Variants in HSD17B12 observed in about 807,000 individuals in gnomAD.
HSD17B12 encodes hydroxysteroid 17-beta dehydrogenase 12.
In HSD17B12, 32 loss-of-function variants were observed where a neutral mutation model predicts 39.3. That is an observed-to-expected ratio of 0.81 (90% CI 0.61 to 1.09). The LOEUF (loss-of-function observed/expected upper bound fraction) is 1.09. HSD17B12 is among the 50% of genes least tolerant of loss of function. HSD17B12 has a pLI of 0.00. For missense variants in HSD17B12, 342 were observed against 382.9 expected, an observed-to-expected ratio of 0.89 and a Z score of 0.89; for synonymous variants, 150 against 146.7, an observed-to-expected ratio of 1.02 and a Z score of -0.16.
chr11:43,740,262 G>A (rs984633954), intron 1 of HSD17B12, among the ~76,000 whole-genome samples: 4 of 152,218 alleles, frequency 2.6e-5, no homozygotes, highest in Non-Finnish European at 5.9e-5. Context: ...TGTTTGGGAT[G>A]ATAGCGTAGA....
chr11:43,768,300 AT>A (rs1378240161), intron 3 of HSD17B12, among the ~76,000 whole-genome samples: 3 of 152,228 alleles, frequency 2.0e-5, no homozygotes, highest in Non-Finnish European at 4.4e-5. Flanking sequence ...TGGAGTTATT[AT>A]ATTATTTAAT....
the HSD17B12 span, among the ~76,000 whole-genome samples, chr11:43,615,641 C>T: frequency 6.6e-6 from 1 of 152,154 alleles, no homozygotes; most frequent in East Asian, 1.9e-4. Flanking sequence ...AATGCGTTTT[C>T]CTTTTCTCAG....
intron 1 of HSD17B12, among the ~76,000 whole-genome samples, chr11:43,736,342 A>G (rs1950316415): frequency 6.7e-6 from 1 of 150,298 alleles, no homozygotes; most frequent in African/African-American, 2.5e-5. Context: ...AATTTTTGTT[A>G]TTGTTGTTGT....
intron 4 of HSD17B12, among the ~76,000 whole-genome samples, chr11:43,812,989 G>A (rs1329352577): frequency 6.6e-6 from 1 of 151,996 alleles, no homozygotes; most frequent in East Asian, 1.9e-4. Flanking sequence ...CTACAGGCAC[G>A]TGCCATCGTG....
intron 4 of HSD17B12, among the ~76,000 whole-genome samples, chr11:43,806,926 C>T (rs1379342642): frequency 1.3e-5 from 2 of 152,114 alleles, no homozygotes; most frequent in Admixed American, 1.3e-4. Flanking sequence ...CACGTGTACC[C>T]TGAAAACTTG....
chr11:43,715,795 G>A lies in HSD17B12; in HGVS notation c.160+34808G>A, dbSNP rs116890072. Among the ~76,000 whole-genome samples, 1,022 of 152,134 alleles carry A rather than the reference G, an allele frequency of 6.7e-3. 3 individuals carry two copies. Among genetic ancestry groups the A allele is most frequent in the Non-Finnish European group, 0.01 (693 of 67,998 alleles). On this transcript the variant is annotated intron_variant, in intron 1 of 10. Coordinates refer to ENST00000278353, the MANE Select transcript of HSD17B12 (RefSeq NM_016142.3). The stretch of plus-strand genomic sequence containing the variant: ...TTGGAATGTGGCCAGTGTGACTGAC[G>A]AACTGAATTTTTAATTTTGTTTCAT...
chr11:43,848,664 GA>G (rs1167486240), intron 9 of HSD17B12: 73 of 152,314 alleles, frequency 4.8e-4, no homozygotes, highest in African/African-American at 1.6e-3. Flanking sequence ...TACAGAGGAA[GA>G]AACTAAGGCT....
intron 1 of HSD17B12, among the ~76,000 whole-genome samples, chr11:43,682,153 C>T (rs886663700): frequency 6.6e-6 from 1 of 152,166 alleles, no homozygotes; most frequent in Admixed American, 6.5e-5. Context: ...TTTATGTTAA[C>T]ATTAAGAGAA....
chr11:43,833,063 C>G (rs1951329654), intron 7 of HSD17B12: 1 of 146,734 alleles, frequency 6.8e-6, no homozygotes. Flanking sequence ...AAGGAAAGAT[C>G]AAGTTGATTT....
rs541549111 is a variant in HSD17B12, at chr11:43,680,880, C to T, written c.53C>T (p.Thr18Ile). The change falls in exon 1 of 11, where the codon ACC becomes ATC. Residue 18 changes from threonine to isoleucine, a missense_variant. Physicochemically the swap from Thr to Ile is moderately conservative, Grantham distance 89 (BLOSUM62 -1). Transcript: ENST00000278353. ...AGFLYWVGAGTVAYLALRISY... is the reference protein window; with the variant it reads ...AGFLYWVGAGIVAYLALRISY... ...TTCCTGTACTGGGTCGGCGCGGGCA[C>T]CGTGGCCTACCTAGCCCTGCGTATT... The T allele has an allele frequency of 6.2e-7, 1 of 1,614,136 alleles. No individual in the cohort carries two copies. Among genetic ancestry groups the T allele is most frequent in the African/African-American group, 1.3e-5 (1 of 75,038 alleles).
intron 6 of HSD17B12, 72 bp from the exon 7 acceptor site, chr11:43,830,904 T>C: frequency 8.2e-7 from 1 of 1,213,308 alleles, no homozygotes; most frequent in Non-Finnish European, 1.2e-6. Context: ...TTAGTGTGGG[T>C]GAGTTTTCTT....
At chr11:43,757,839 C>G (rs1046740923) in intron 3 of HSD17B12, among the ~76,000 whole-genome samples, 7 of 151,794 alleles carry the variant, frequency 4.6e-5, no homozygotes, top group Non-Finnish European at 1.0e-4. Context: ...TTGCGATTCG[C>G]AAGGTGATAA....
chr11:43,759,976 A>T (rs1367551634), intron 3 of HSD17B12, among the ~76,000 whole-genome samples: 1 of 151,830 alleles, frequency 6.6e-6, no homozygotes, highest in South Asian at 2.1e-4. Flanking sequence ...GCTCACTGCA[A>T]CCTACGTCTC....
chr11:43,693,211 GC>G (rs138155627), intron 1 of HSD17B12, among the ~76,000 whole-genome samples: 101 of 152,346 alleles, frequency 6.6e-4, no homozygotes, highest in African/African-American at 2.4e-3. Flanking sequence ...TTGATTAAAA[GC>G]AACGATAGGA....
intron 3 of HSD17B12, among the ~76,000 whole-genome samples, chr11:43,756,258 G>T (rs1950507146): frequency 2.0e-5 from 3 of 151,298 alleles, no homozygotes; most frequent in Admixed American, 2.0e-4. Context: ...TGAGAGTACA[G>T]ATCTTTACAA....
chr11:43,743,302 A>G (rs1308519883), intron 1 of HSD17B12, among the ~76,000 whole-genome samples: 2 of 152,200 alleles, frequency 1.3e-5, no homozygotes, highest in Non-Finnish European at 2.9e-5. Flanking sequence ...AGGCTGGAAG[A>G]ATAAGAAATG....
At chr11:43,619,993 G>GA in the HSD17B12 span, among the ~76,000 whole-genome samples, 50 of 152,182 alleles carry the variant, frequency 3.3e-4, no homozygotes, top group Non-Finnish European at 6.3e-4. Context: ...GGTTAAAAGG[G>GA]AAAACTGCTT....
upstream of HSD17B12, among the ~76,000 whole-genome samples, chr11:43,680,348 A>G (rs922248881): frequency 1.3e-5 from 2 of 152,202 alleles, no homozygotes; most frequent in Non-Finnish European, 2.9e-5. Context: ...CTGGGATTAC[A>G]GGTGTTAGCC....
chr11:43,808,821 T>G (rs953965403), intron 4 of HSD17B12, among the ~76,000 whole-genome samples: 3 of 152,252 alleles, frequency 2.0e-5, no homozygotes, highest in Non-Finnish European at 2.9e-5. Context: ...GTATGAAAAC[T>G]GTAAAGTTTG....
Sources: gnomAD v4.1 joint callset for allele counts (sites outside exome capture counted in the v4.1 genomes callset) on GRCh38, gnomAD v4.1.1 for gene constraint, MANE v1.5 for transcripts, NCBI Gene and HGNC (gene_info 2026-07-23, HGNC 2026-07-21) for gene names.